ARHGAP26: variants seen among roughly 807,000 people sequenced by gnomAD.
The protein encoded by ARHGAP26 is Rho GTPase activating protein 26, also known as rho GTPase-activating protein 26.
A neutral mutation model predicts 104.8 loss-of-function variants in ARHGAP26; 38 were observed. That is an observed-to-expected ratio of 0.36 (90% CI 0.28 to 0.48). ARHGAP26 has a LOEUF of 0.48. Ranked by LOEUF, ARHGAP26 falls within the 20% of genes least tolerant of loss-of-function variation. The pLI is 0.99. For missense variants in ARHGAP26, 704 were observed against 947.9 expected, an observed-to-expected ratio of 0.74 and a Z score of 3.38; for synonymous variants, 341 against 340.0, an observed-to-expected ratio of 1.00 and a Z score of -0.03.
At chr5:142,904,745 T>C (rs1233549624) in intron 8 of ARHGAP26, among the ~76,000 whole-genome samples, 1 of 152,200 alleles carries the variant, frequency 6.6e-6, no homozygotes, top group Non-Finnish European at 1.5e-5. Flanking sequence ...TGTTTTTTTC[T>C]TTAGTGGGTA....
chr5:142,982,869 A>T (rs1774147628), intron 11 of ARHGAP26, among the ~76,000 whole-genome samples: 1 of 152,126 alleles, frequency 6.6e-6, no homozygotes. Flanking sequence ...GGCTTACAGG[A>T]TGGTCATCTC....
At chr5:142,984,398 A>G (rs1774376410) in intron 11 of ARHGAP26, among the ~76,000 whole-genome samples, 1 of 152,242 alleles carries the variant, frequency 6.6e-6, no homozygotes, top group African/African-American at 2.4e-5. Flanking sequence ...ACTTGTTTCT[A>G]AATACTATTC....
chr5:142,957,658 C>G (rs926483822), intron 11 of ARHGAP26, among the ~76,000 whole-genome samples: 5 of 152,236 alleles, frequency 3.3e-5, no homozygotes, highest in African/African-American at 1.2e-4. Flanking sequence ...TTATTCTCTG[C>G]TACCGTGTGC....
chr5:143,009,866 T>C (rs941769942), intron 11 of ARHGAP26, among the ~76,000 whole-genome samples: 3 of 152,218 alleles, frequency 2.0e-5, no homozygotes, highest in African/African-American at 7.2e-5. Flanking sequence ...CATTAACTGT[T>C]TCAGTCTTCT....
At chr5:143,138,200 A>G (rs571758234) in intron 19 of ARHGAP26, among the ~76,000 whole-genome samples, 38 of 152,276 alleles carry the variant, frequency 2.5e-4, no homozygotes, top group African/African-American at 8.4e-4. Flanking sequence ...GCTGTGGTCT[A>G]TTCTCAGAAT....
chr5:143,179,833 C>A (rs999168972), intron 20 of ARHGAP26, among the ~76,000 whole-genome samples: 2 of 152,148 alleles, frequency 1.3e-5, no homozygotes, highest in African/African-American at 4.8e-5. Flanking sequence ...TGCCTCATGT[C>A]AGCCTGCATT....
chr5:143,218,690 CA>C (rs1273037502), intron 22 of ARHGAP26, among the ~76,000 whole-genome samples: 1 of 152,222 alleles, frequency 6.6e-6, no homozygotes, highest in Non-Finnish European at 1.5e-5. Flanking sequence ...GCTGAAGAGC[CA>C]CTCAGGCAGC....
intron 14 of ARHGAP26, among the ~76,000 whole-genome samples, chr5:143,053,545 T>G (rs1785337807): frequency 6.6e-6 from 1 of 152,208 alleles, no homozygotes. Flanking sequence ...CTGCCTCTTC[T>G]TCTCACCTCC....
At chr5:143,127,815 C>T (rs547615818) in intron 18 of ARHGAP26, among the ~76,000 whole-genome samples, 22 of 152,194 alleles carry the variant, frequency 1.4e-4, no homozygotes, top group South Asian at 8.3e-4. Context: ...GTTTAGAAGT[C>T]GCATTTTATT....
At chr5:142,998,109 T>C (rs1047091795) in intron 11 of ARHGAP26, among the ~76,000 whole-genome samples, 4 of 152,364 alleles carry the variant, frequency 2.6e-5, no homozygotes, top group Non-Finnish European at 5.9e-5. Context: ...TGTTTGTTGC[T>C]GTGTTATAAA....
At chr5:142,936,523 G>C (rs149056881) in intron 11 of ARHGAP26, among the ~76,000 whole-genome samples, 92 of 152,064 alleles carry the variant, frequency 6.1e-4, no homozygotes, top group African/African-American at 2.0e-3. Flanking sequence ...AGACAAGCTT[G>C]TTCTAAAATT....
chr5:143,021,766 T>A (rs1164676578), intron 12 of ARHGAP26, among the ~76,000 whole-genome samples: 2 of 152,220 alleles, frequency 1.3e-5, no homozygotes, highest in African/African-American at 2.4e-5. Flanking sequence ...ATTACTCTTA[T>A]CATCTGGCCA....
At chr5:142,811,625 A>G (rs1246835287) in intron 1 of ARHGAP26, among the ~76,000 whole-genome samples, 1 of 152,040 alleles carries the variant, frequency 6.6e-6, no homozygotes, top group Non-Finnish European at 1.5e-5. Flanking sequence ...CGGAGCTTAT[A>G]TTCTGGCCTT....
intron 11 of ARHGAP26, among the ~76,000 whole-genome samples, chr5:142,992,762 A>G (rs572795946): frequency 1.1e-3 from 161 of 152,284 alleles, no homozygotes; most frequent in African/African-American, 3.6e-3. Context: ...GTATGCAAAG[A>G]TCAGCTGCCA....
rs187052060 is a variant in ARHGAP26 at position 142,864,361 on chromosome 5, A to G, written c.155-9039A>G. The stretch of plus-strand genomic sequence containing the variant: ...TTAAAAGGCACGACTTGAGCTTAAT[A>G]AACTTCACAAAAAGAAACCCATACT... On this transcript the variant is annotated intron_variant, in intron 1 of 22. Coordinates refer to ENST00000645722, the MANE Select transcript of ARHGAP26 (RefSeq NM_001135608.3). Among the ~76,000 whole-genome samples, 186 of 152,346 alleles carry G rather than the reference A, an allele frequency of 1.2e-3. 1 individual carries two copies. Among genetic ancestry groups the G allele is most frequent in the African/African-American group, 4.3e-3 (179 of 41,568 alleles).
rs1417899600 is a variant in ARHGAP26, at chr5:143,154,305, TGGA to T, written c.1988+6929_1988+6931del. 3.9e-5 allele frequency among the ~76,000 whole-genome samples: 6 copies of T among 152,172 alleles called. 1 individual carries two copies. The highest frequency in any genetic ancestry group is 4.2e-4 in the South Asian group (2 of 4,816). ...ATGGAGAACCAAGGAGATAGGGATT[TGGA>T]GGAGAAGGAGGCAAGTGACTTTAGC... On this transcript the variant is annotated intron_variant, in intron 20 of 22. Coordinates refer to ENST00000645722, the MANE Select transcript of ARHGAP26 (RefSeq NM_001135608.3).
At chr5:143,221,831 C>G (rs1016044388) in intron 22 of ARHGAP26, among the ~76,000 whole-genome samples, 106 of 150,886 alleles carry the variant, frequency 7.0e-4, no homozygotes, top group Non-Finnish European at 1.1e-3. Flanking sequence ...CCTCTAGAAG[C>G]TGGATATCTT....
At chr5:142,980,726 A>G (rs984296782) in intron 11 of ARHGAP26, among the ~76,000 whole-genome samples, 12 of 152,068 alleles carry the variant, frequency 7.9e-5, no homozygotes, top group African/African-American at 2.7e-4. Flanking sequence ...GGCCATAAGT[A>G]CTTATCTCTT....
intron 20 of ARHGAP26, among the ~76,000 whole-genome samples, chr5:143,190,330 A>G (rs1249860999): frequency 6.6e-6 from 1 of 152,204 alleles, no homozygotes; most frequent in African/African-American, 2.4e-5. Flanking sequence ...GCTTCAGTAG[A>G]TTGCAGGCAA....
Sources: gnomAD v4.1 joint callset for allele counts (sites outside exome capture counted in the v4.1 genomes callset) on GRCh38, gnomAD v4.1.1 for gene constraint, MANE v1.5 for transcripts, NCBI Gene and HGNC (gene_info 2026-07-23, HGNC 2026-07-21) for gene names.